Variants in DLGAP2 observed in about 807,000 individuals in gnomAD.
The protein encoded by DLGAP2 is disks large-associated protein 2.
Under a neutral mutation model 100.3 loss-of-function variants are expected in DLGAP2, and 26 were observed. The ratio of observed to expected loss-of-function variants is 0.26; its 90% CI spans 0.19 to 0.36. The LOEUF (loss-of-function observed/expected upper bound fraction) is 0.36. DLGAP2 is among the 10% of genes least tolerant of loss of function. DLGAP2 has a pLI of 1.00. For synonymous variants in DLGAP2, 886 were observed against 630.1 expected (o/e 1.41, Z -6.08); for missense variants, 1,858 against 1,453.2 (o/e 1.28, Z -4.53).
Position 737,820 on chromosome 8 carries a change from A to G in DLGAP2, c.13A>G (p.Arg5Gly), listed in dbSNP as rs1820357522. Residue 5 changes from arginine (R) to glycine (G), a missense_variant, in exon 1 of 15, where the codon AGG (arginine) becomes GGG (glycine). Physicochemically the swap from Arg to Gly is moderately radical, Grantham distance 125. Coordinates refer to ENST00000637795, the MANE Select transcript of DLGAP2 (RefSeq NM_001346810.2). MSAL[R>G]KVLPGILQKH... ...GGAGCGTCCGAGGATGTCCGCGCTG[A>G]GGAAGGTGCGAGCCGCCGGGGGCTG... is the stretch of plus-strand genomic sequence containing the variant. 3 of 378,894 alleles carry G rather than the reference A, an allele frequency of 7.9e-6. No individual in the cohort carries two copies. Among genetic ancestry groups the G allele is most frequent in the Non-Finnish European group, 1.4e-5 (3 of 213,270 alleles). 23.5% of individuals were successfully genotyped at this position (378,894 alleles called of 1,614,324 possible).
At chr8:1,416,236 C>G (rs773632644) in intron 3 of DLGAP2, among the ~76,000 whole-genome samples, 1 of 152,114 alleles carries the variant, frequency 6.6e-6, no homozygotes, top group African/African-American at 2.4e-5. Context: ...ATGATTCCAG[C>G]GTCCATACAG....
intron 3 of DLGAP2, among the ~76,000 whole-genome samples, chr8:1,497,076 C>T (rs1423608258): frequency 1.3e-5 from 2 of 152,302 alleles, no homozygotes; most frequent in South Asian, 4.1e-4. Flanking sequence ...TCCTAAAGTA[C>T]GTTCTGCCAG....
intron 7 of DLGAP2, among the ~76,000 whole-genome samples, chr8:1,630,788 T>C (rs1797622088): frequency 6.6e-6 from 1 of 152,144 alleles, no homozygotes; most frequent in African/African-American, 2.4e-5. Context: ...AACTGAAGTC[T>C]TGTGAGAGGT....
chr8:1,701,185 C>T lies in DLGAP2; in HGVS notation c.2950-3C>T. The T allele has an allele frequency of 1.9e-6, 3 of 1,555,936 alleles. No homozygotes were observed. Among genetic ancestry groups the T allele is most frequent in the Non-Finnish European group, 2.6e-6 (3 of 1,150,956 alleles). ...GCCAACGGTGACTTGCGCTGCTTTT[C>T]AGGAAGAAAGAAAGGTCCCGCCTCC... On this transcript the variant is annotated splice_polypyrimidine_tract_variant and splice_region_variant and intron_variant, in intron 14 of 14. Coordinates refer to ENST00000637795, the MANE Select transcript of DLGAP2 (RefSeq NM_001346810.2).
intron 2 of DLGAP2, among the ~76,000 whole-genome samples, chr8:1,070,502 C>G (rs1400053989): frequency 6.6e-6 from 1 of 152,212 alleles, no homozygotes; most frequent in Admixed American, 6.5e-5. Flanking sequence ...ACGTGAAAGT[C>G]AAATCCGTGT....
chr8:1,495,971 A>ATTTGTTTCTTGTTT (rs1799534179), intron 3 of DLGAP2, among the ~76,000 whole-genome samples: 1 of 152,058 alleles, frequency 6.6e-6, no homozygotes, highest in Non-Finnish European at 1.5e-5. Flanking sequence ...TGGATGAAAC[A>ATTTGTTTCTTGTTT]AGACTGTGAG....
intron 3 of DLGAP2, among the ~76,000 whole-genome samples, chr8:1,304,370 C>T (rs549326276): frequency 1.1e-4 from 16 of 152,242 alleles, no homozygotes; most frequent in South Asian, 6.2e-4. Flanking sequence ...CCTGGTGGAA[C>T]GAGGAGGAAT....
chr8:884,716 C>T (rs1178345645), intron 1 of DLGAP2, among the ~76,000 whole-genome samples: 1 of 151,930 alleles, frequency 6.6e-6, no homozygotes, highest in East Asian at 2.0e-4. Context: ...TTGCCTATGT[C>T]CTGAATGGTG....
intron 3 of DLGAP2, among the ~76,000 whole-genome samples, chr8:1,487,823 G>A (rs36104724): frequency 0.075 from 11,396 of 152,190 alleles, 628 homozygotes; most frequent in Non-Finnish European, 0.11. Context: ...GAAGCTTCAC[G>A]TCCTCACTAC....
chr8:863,565 G>C (rs926967444), intron 1 of DLGAP2, among the ~76,000 whole-genome samples: 7 of 152,154 alleles, frequency 4.6e-5, no homozygotes, highest in African/African-American at 1.7e-4. Context: ...CCATCTGTGG[G>C]TTTTCTCTTC....
intron 10 of DLGAP2, among the ~76,000 whole-genome samples, chr8:1,673,837 A>T (rs1398130852): frequency 1.3e-5 from 2 of 152,246 alleles, no homozygotes; most frequent in African/African-American, 4.8e-5. Context: ...ATAAAAAATA[A>T]CAAAAATATA....
chr8:957,874 G>A (rs1799631197), intron 2 of DLGAP2, among the ~76,000 whole-genome samples: 1 of 148,208 alleles, frequency 6.7e-6, no homozygotes, highest in South Asian at 2.1e-4. Flanking sequence ...TATTTTTATT[G>A]TGGGAAAAAT....
At chr8:1,241,177 CCGTGTCTCGTTCTCT>C (rs1798786143) in intron 2 of DLGAP2, among the ~76,000 whole-genome samples, 4 of 15,738 alleles carry the variant, frequency 2.5e-4, no homozygotes, top group South Asian at 1.7e-3. Flanking sequence ...TCACGTGGCG[CCGTGTCTCGTTCTCT>C]CACATGGAGC....
At chr8:1,598,734 G>A (rs969340515) in intron 6 of DLGAP2, among the ~76,000 whole-genome samples, 1 of 151,966 alleles carries the variant, frequency 6.6e-6, no homozygotes, top group African/African-American at 2.4e-5. Flanking sequence ...TTTTTATTGT[G>A]TCTATTTGAT....
At chr8:1,383,013 G>C (rs943637222) in intron 3 of DLGAP2, among the ~76,000 whole-genome samples, 2 of 152,162 alleles carry the variant, frequency 1.3e-5, no homozygotes, top group Admixed American at 1.3e-4. Flanking sequence ...AGCATATGCG[G>C]TGTCATCTTA....
intron 3 of DLGAP2, among the ~76,000 whole-genome samples, chr8:1,420,367 A>G (rs548928766): frequency 1.3e-5 from 2 of 152,268 alleles, no homozygotes; most frequent in African/African-American, 2.4e-5. Flanking sequence ...GTTCAGATAA[A>G]TACACGTAAA....
chr8:1,468,029 C>T (rs1482430575), intron 3 of DLGAP2, among the ~76,000 whole-genome samples: 1 of 152,246 alleles, frequency 6.6e-6, no homozygotes, highest in Non-Finnish European at 1.5e-5. Context: ...CTTTGTGCTG[C>T]AAAGTGGGGG....
chr8:1,298,111 C>T (rs1007787175), intron 3 of DLGAP2, among the ~76,000 whole-genome samples: 1 of 143,968 alleles, frequency 6.9e-6, no homozygotes, highest in Non-Finnish European at 1.5e-5. Flanking sequence ...GGAGGAGAAA[C>T]GTGGCAGGCG....
At chr8:1,030,719 G>C (rs1801947604) in intron 2 of DLGAP2, among the ~76,000 whole-genome samples, 2 of 152,230 alleles carry the variant, frequency 1.3e-5, no homozygotes, top group South Asian at 4.1e-4. Context: ...AGAAGCAGCT[G>C]TACTCTTGAT....
Sources: gnomAD v4.1 joint callset for allele counts (sites outside exome capture counted in the v4.1 genomes callset) on GRCh38, gnomAD v4.1.1 for gene constraint, MANE v1.5 for transcripts, NCBI Gene and HGNC (gene_info 2026-07-23, HGNC 2026-07-21) for gene names.